CRIM1: variants seen among roughly 807,000 people sequenced by gnomAD.
CRIM1 encodes cysteine-rich motor neuron 1 protein.
CRIM1 carries 32 observed loss-of-function variants against 116.4 expected under a neutral mutation model. The ratio of observed to expected loss-of-function variants is 0.27; its 90% CI spans 0.21 to 0.37. The LOEUF (loss-of-function observed/expected upper bound fraction) is 0.37, where lower values mean the gene tolerates loss of function less well. Among genes scored for constraint, CRIM1 ranks in the 10% least tolerant of loss-of-function variants. CRIM1 has a pLI of 1.00. For missense variants in CRIM1, 1,331 were observed against 1,354.8 expected (o/e 0.98, Z 0.28); for synonymous variants, 590 against 509.2 (o/e 1.16, Z -2.13).
At chr2:36,364,344 T>C (rs1669448194) in intron 1 of CRIM1, among the ~76,000 whole-genome samples, 1 of 152,232 alleles carries the variant, frequency 6.6e-6, no homozygotes, top group Non-Finnish European at 1.5e-5. Context: ...TACCTGCTAT[T>C]ATAGTCATTA....
intron 5 of CRIM1, among the ~76,000 whole-genome samples, chr2:36,472,315 C>G (rs554258210): frequency 3.9e-5 from 6 of 152,148 alleles, no homozygotes; most frequent in Non-Finnish European, 8.8e-5. Context: ...CCTCAAAAAC[C>G]ACAGGTAGCC....
intron 2 of CRIM1, among the ~76,000 whole-genome samples, chr2:36,401,152 C>T (rs1285433868): frequency 2.0e-5 from 3 of 152,106 alleles, no homozygotes; most frequent in Non-Finnish European, 4.4e-5. Context: ...ATGGAGAATA[C>T]TGGAAATTTC....
intron 2 of CRIM1, among the ~76,000 whole-genome samples, chr2:36,407,074 T>C (rs879451545): frequency 6.6e-6 from 1 of 152,126 alleles, no homozygotes; most frequent in East Asian, 1.9e-4. Flanking sequence ...TCCCAGCTGA[T>C]TTTTCCTTTA....
intron 13 of CRIM1, among the ~76,000 whole-genome samples, chr2:36,528,785 TTC>T (rs1255635213): frequency 6.6e-6 from 1 of 152,222 alleles, no homozygotes; most frequent in African/African-American, 2.4e-5. Context: ...AATGAAAACA[TTC>T]TGGTTGTCGT....
rs545058388 is a variant in CRIM1, at chr2:36,385,610, C to T, written c.332-11004C>T. Among the ~76,000 whole-genome samples the T allele has an allele frequency of 2.4e-4, 37 of 152,130 alleles. No homozygotes were observed. The East Asian group carries it at 5.2e-3, about 22-fold the overall frequency. On this transcript the variant is annotated intron_variant, in intron 1 of 16. Coordinates refer to ENST00000280527, the MANE Select transcript of CRIM1 (RefSeq NM_016441.3). Reference sequence around the variant, plus strand: ...GGACCATCAGCAGGAGTCTCCAGGCCGTATTACTGGAGACGGACCTCACCA... The same window carrying T: ...GGACCATCAGCAGGAGTCTCCAGGCTGTATTACTGGAGACGGACCTCACCA...
intron 2 of CRIM1, among the ~76,000 whole-genome samples, chr2:36,439,270 T>A (rs1252105454): frequency 6.6e-6 from 1 of 152,152 alleles, no homozygotes; most frequent in African/African-American, 2.4e-5. Flanking sequence ...GTATTTGTCT[T>A]CCTCCATATT....
rs1668775062 is a variant in CRIM1 at position 36,356,122 on chromosome 2, G to C, written c.-171G>C. On this transcript the variant is annotated 5_prime_UTR_variant, in exon 1 of 17. Coordinates refer to ENST00000280527, the MANE Select transcript of CRIM1 (RefSeq NM_016441.3). The surrounding 1 kb of genome is among the most constrained non-coding windows in gnomAD (Gnocchi z 4.3). ...TCGGGGTCGGCGCGGCCCGCAGAAG[G>C]GGCGGGGGCCTCGCCCCGCGAGGGG... 3.1e-5 allele frequency: 5 copies of C among 161,010 alleles called. No individual in the cohort carries two copies. In the Admixed American group the frequency reaches 3.2e-4, roughly 10 times the overall value. The allele number at this position is 161,010 out of a possible 1,614,324, so 10.0% of individuals were successfully genotyped here. A position where few individuals can be genotyped will look rare whatever the true frequency, so the allele number is the denominator to read the frequency against.
intron 2 of CRIM1, among the ~76,000 whole-genome samples, chr2:36,405,263 C>T (rs937041942): frequency 2.0e-5 from 3 of 152,136 alleles, no homozygotes; most frequent in Non-Finnish European, 4.4e-5. Flanking sequence ...AGCATTCATG[C>T]CGCCTTTGAA....
chr2:36,376,023 A>C (rs1670292249), intron 1 of CRIM1, among the ~76,000 whole-genome samples: 2 of 152,338 alleles, frequency 1.3e-5, no homozygotes, highest in South Asian at 4.1e-4. Flanking sequence ...CTCCAGGATG[A>C]ATAAAGAGGT....
intron 11 of CRIM1, among the ~76,000 whole-genome samples, chr2:36,515,809 T>G (rs1664998880): frequency 6.6e-6 from 1 of 152,220 alleles, no homozygotes; most frequent in South Asian, 2.1e-4. Flanking sequence ...ATGTCAGCAT[T>G]TAACAAGGCA....
chr2:36,520,702 C>T (rs1160793582), intron 12 of CRIM1, among the ~76,000 whole-genome samples: 3 of 152,176 alleles, frequency 2.0e-5, no homozygotes, highest in Admixed American at 2.0e-4. Flanking sequence ...GCTTTCCTGT[C>T]CCTCAGAGAA....
At chr2:36,427,060 G>C (rs559529338) in intron 2 of CRIM1, among the ~76,000 whole-genome samples, 53 of 152,148 alleles carry the variant, frequency 3.5e-4, no homozygotes, top group African/African-American at 1.1e-3. Flanking sequence ...AATTAGCCGG[G>C]TGTAGTGGTG....
chr2:36,534,552 GGA>G lies in CRIM1; in HGVS notation c.2429-2798_2429-2797del, dbSNP rs1401986071. Among the ~76,000 whole-genome samples the G allele has an allele frequency of 8.3e-4, 113 of 136,486 alleles. 1 individual carries two copies. The highest frequency in any genetic ancestry group is 3.2e-3 in the African/African-American group (109 of 34,576). 89.5% of individuals were successfully genotyped at this position (136,486 alleles called of 152,430 possible). On this transcript the variant is annotated intron_variant, in intron 13 of 16. Coordinates refer to ENST00000280527, the MANE Select transcript of CRIM1 (RefSeq NM_016441.3). ...GAGGGAGAGGAAGGAAGGGAGAGAGGGAGGGACAGGAAGGAAGGGAGGAAGGA... is the reference window on the plus strand; with the variant it reads ...GAGGGAGAGGAAGGAAGGGAGAGAGGGGGACAGGAAGGAAGGGAGGAAGGA...
At chr2:36,418,270 G>C (rs1673775434) in intron 2 of CRIM1, among the ~76,000 whole-genome samples, 1 of 152,136 alleles carries the variant, frequency 6.6e-6, no homozygotes, top group Non-Finnish European at 1.5e-5. Context: ...ACTCTTCTTT[G>C]AGTCCTGCCT....
At chr2:36,533,890 A>T (rs1357327095) in intron 13 of CRIM1, among the ~76,000 whole-genome samples, 1 of 146,422 alleles carries the variant, frequency 6.8e-6, no homozygotes, top group South Asian at 2.4e-4. Flanking sequence ...TCTTCCCATC[A>T]TTATTCTCGT....
rs746386049 is a variant in CRIM1, at chr2:36,547,103, G to A, written c.2866G>A (p.Ala956Thr). The A allele has an allele frequency of 6.2e-7, 1 of 1,612,276 alleles. No homozygotes were observed. Among genetic ancestry groups the A allele is most frequent in the Non-Finnish European group, 8.5e-7 (1 of 1,178,578 alleles). The change falls in exon 16 of 17, where the codon GCA becomes ACA. Residue 956 changes from alanine to threonine, a missense_variant. By Grantham distance (58) the Ala-to-Thr change is moderately conservative. Coordinates refer to ENST00000280527, the MANE Select transcript of CRIM1 (RefSeq NM_016441.3). ...AATTATATGCCTCTCTATTATAATAGCATTCCTATTCATCAATCAGAAGAA... is the reference window on the plus strand; with the variant it reads ...AATTATATGCCTCTCTATTATAATAACATTCCTATTCATCAATCAGAAGAA... The part of the protein sequence containing the change: ...PIIICLSIII[A>T]FLFINQKKQW...
At position 36,362,788 on chromosome 2, in the gene CRIM1, C is replaced by T. The variant is rs149332628; in HGVS notation, c.331+6165C>T. On this transcript the variant is annotated intron_variant, in intron 1 of 16. Coordinates refer to ENST00000280527, the MANE Select transcript of CRIM1 (RefSeq NM_016441.3). ...GAAAAAAGTAAATGTTTTTAAAGAA[C>T]CTATTTTCCTTTGTTAGTTGCAAAG... 3.3e-3 allele frequency among the ~76,000 whole-genome samples: 501 copies of T among 152,270 alleles called. 3 individuals are homozygous for T. The highest frequency in any genetic ancestry group is 0.01 in the Middle Eastern group (3 of 294).
chr2:36,503,550 C>G (rs1309808600), intron 8 of CRIM1, among the ~76,000 whole-genome samples: 2 of 121,578 alleles, frequency 1.6e-5, no homozygotes, highest in African/African-American at 3.1e-5. Flanking sequence ...CCCCTTTGTT[C>G]CCACCCCATC....
chr2:36,423,341 G>A (rs1423115068), intron 2 of CRIM1, among the ~76,000 whole-genome samples: 2 of 152,208 alleles, frequency 1.3e-5, no homozygotes, highest in Non-Finnish European at 2.9e-5. Flanking sequence ...TTACCATGCT[G>A]GACCTGGAGA....
Sources: gnomAD v4.1 joint callset for allele counts (sites outside exome capture counted in the v4.1 genomes callset) on GRCh38, gnomAD v4.1.1 for gene constraint, Gnocchi (gnomAD v3.1) non-coding constraint, MANE v1.5 for transcripts, NCBI Gene and HGNC (gene_info 2026-07-23, HGNC 2026-07-21) for gene names.